Variants in MYT1L observed in about 807,000 individuals in gnomAD.
MYT1L encodes the protein myelin transcription factor 1 like.
MYT1L carries 12 observed loss-of-function variants against 126.7 expected under a neutral mutation model. That is an observed-to-expected ratio of 0.09 (90% CI 0.06 to 0.15). The LOEUF is 0.15. Among genes scored for constraint, MYT1L ranks in the 10% least tolerant of loss-of-function variants. The pLI is 1.00. For synonymous variants in MYT1L, 541 were observed against 604.2 expected, an observed-to-expected ratio of 0.90 and a Z score of 1.53; for missense variants, 979 against 1,585.2, an observed-to-expected ratio of 0.62 and a Z score of 6.49.
chr2:2,152,335 G>A (rs1299202248), intron 3 of MYT1L, among the ~76,000 whole-genome samples: 1 of 152,234 alleles, frequency 6.6e-6, no homozygotes, highest in Non-Finnish European at 1.5e-5. Flanking sequence ...ACTCAGAATG[G>A]AGTGCAATTT....
At chr2:1,828,481 G>C (rs1369039001) in intron 21 of MYT1L, 1 of 152,234 alleles carries the variant, frequency 6.6e-6, no homozygotes, top group Non-Finnish European at 1.5e-5. Context: ...TCCTCTCTCT[G>C]TTATGGAATA....
At chr2:2,022,757 G>C (rs1237865984) in intron 4 of MYT1L, among the ~76,000 whole-genome samples, 1 of 151,422 alleles carries the variant, frequency 6.6e-6, no homozygotes, top group African/African-American at 2.4e-5. Flanking sequence ...TCAGTTCTTT[G>C]TCCGTATTTA....
chr2:2,164,311 T>C (rs1371203982), intron 3 of MYT1L, among the ~76,000 whole-genome samples: 1 of 152,212 alleles, frequency 6.6e-6, no homozygotes, highest in Non-Finnish European at 1.5e-5. Context: ...GGTTTTACTT[T>C]TTTAGGTCTT....
At chr2:2,079,341 T>G (rs538607615) in intron 3 of MYT1L, among the ~76,000 whole-genome samples, 1 of 152,154 alleles carries the variant, frequency 6.6e-6, no homozygotes. Context: ...TTTAAGAAAT[T>G]AAAGATTGAA....
Position 1,922,566 on chromosome 2 carries a change from C to T in MYT1L, c.1203G>A (p.Lys401=). Reference sequence around the variant, plus strand: ...CGTCCCGCTCATGACACCCATCCTCCTTCGCACAGCTGGCAAACACTCTCG... The same window carrying T: ...CGTCCCGCTCATGACACCCATCCTCTTTCGCACAGCTGGCAAACACTCTCG... ...PRSRVFASCA[K]EDGCHERDDD... The change falls in exon 10 of 25, where the codon AAG becomes AAA. Residue 401 remains lysine, a synonymous_variant. Transcript: ENST00000647738. The surrounding 1 kb of genome is among the most constrained non-coding windows in gnomAD (Gnocchi z 7.4). 1 of 1,614,040 alleles carries T rather than the reference C, an allele frequency of 6.2e-7. No individual in the cohort carries two copies. Among genetic ancestry groups the T allele is most frequent in the Non-Finnish European group, 8.5e-7 (1 of 1,179,904 alleles).
chr2:1,907,889 G>A (rs2148995786), intron 13 of MYT1L, among the ~76,000 whole-genome samples: 1 of 152,382 alleles, frequency 6.6e-6, no homozygotes, highest in East Asian at 1.9e-4. Context: ...GCCCCATGGA[G>A]GCGGAAAGCC....
chr2:2,104,880 C>A lies in MYT1L; in HGVS notation c.-303-50757G>T, dbSNP rs1375284608. On this transcript the variant is annotated intron_variant, in intron 3 of 24. Transcript: ENST00000647738. ...CCTGTTCTCATCCGAAGTTCTGAATCATTAACAGCTGTTACTCTTCTTTAA... is the reference window on the plus strand; with the variant it reads ...CCTGTTCTCATCCGAAGTTCTGAATAATTAACAGCTGTTACTCTTCTTTAA... 3.3e-5 allele frequency among the ~76,000 whole-genome samples: 5 copies of A among 152,182 alleles called. No individual in the cohort carries two copies. The East Asian group carries it at 9.7e-4, about 29-fold the overall frequency.
chr2:2,024,086 C>A (rs1046978850), intron 4 of MYT1L, among the ~76,000 whole-genome samples: 1 of 152,136 alleles, frequency 6.6e-6, no homozygotes, highest in East Asian at 1.9e-4. Flanking sequence ...TCAAATAATT[C>A]TGAAATTTTT....
intron 2 of MYT1L, among the ~76,000 whole-genome samples, chr2:2,199,125 G>C (rs1000565113): frequency 6.6e-6 from 1 of 152,164 alleles, no homozygotes; most frequent in Non-Finnish European, 1.5e-5. Flanking sequence ...GCTTTGGAAA[G>C]GTTCAGAAGT....
At chr2:1,886,500 A>G (rs778374363) in intron 18 of MYT1L, 39 bp downstream of exon 18, 3 of 1,464,878 alleles carry the variant, frequency 2.0e-6, no homozygotes, top group Admixed American at 2.2e-5. Context: ...TACTGAGTGC[A>G]TGGATTTTTA....
intron 3 of MYT1L, among the ~76,000 whole-genome samples, chr2:2,145,449 T>C (rs997588295): frequency 1.3e-5 from 2 of 152,218 alleles, no homozygotes; most frequent in African/African-American, 4.8e-5. Flanking sequence ...TCTCCATGTC[T>C]TCCTTCCTGG....
At chr2:1,839,557 A>G (rs1353447893) in intron 20 of MYT1L, among the ~76,000 whole-genome samples, 187 bp from the exon 21 acceptor site, 2 of 152,258 alleles carry the variant, frequency 1.3e-5, no homozygotes, top group African/African-American at 2.4e-5. Context: ...TGGAACACTG[A>G]ACTGTTTCCC....
chr2:2,150,187 C>T (rs928987484), intron 3 of MYT1L, among the ~76,000 whole-genome samples: 3 of 152,104 alleles, frequency 2.0e-5, no homozygotes, highest in Non-Finnish European at 4.4e-5. Flanking sequence ...TTGGGGAAGA[C>T]GGCCTTTGAA....
At chr2:2,275,150 A>G (rs774793375) in intron 2 of MYT1L, among the ~76,000 whole-genome samples, 8 of 151,846 alleles carry the variant, frequency 5.3e-5, no homozygotes, top group Non-Finnish European at 8.8e-5. Context: ...TGGAGGATAA[A>G]TGGGTAGACA....
intron 21 of MYT1L, among the ~76,000 whole-genome samples, chr2:1,824,093 G>A (rs1049221506): frequency 6.6e-6 from 1 of 152,310 alleles, no homozygotes; most frequent in African/African-American, 2.4e-5. Context: ...GTTGGGGAAC[G>A]TTTTTAGTTT....
At chr2:1,953,385 C>T (rs2058058220) in intron 8 of MYT1L, among the ~76,000 whole-genome samples, 1 of 152,250 alleles carries the variant, frequency 6.6e-6, no homozygotes, top group Non-Finnish European at 1.5e-5. Context: ...TCTCATCCCA[C>T]AGCTCTATGC....
At chr2:2,165,070 G>C (rs1259922823) in intron 3 of MYT1L, among the ~76,000 whole-genome samples, 5 of 152,182 alleles carry the variant, frequency 3.3e-5, no homozygotes, top group Non-Finnish European at 7.3e-5. Flanking sequence ...CTGCTGGAAG[G>C]GGGGCCTGCG....
chr2:2,010,023 T>C (rs147641993), intron 4 of MYT1L, among the ~76,000 whole-genome samples: 17 of 152,290 alleles, frequency 1.1e-4, no homozygotes, highest in Admixed American at 1.1e-3. Context: ...TCACATTGAT[T>C]GATTTGCATA....
At chr2:2,207,129 G>A (rs1205623489) in intron 2 of MYT1L, among the ~76,000 whole-genome samples, 1 of 152,280 alleles carries the variant, frequency 6.6e-6, no homozygotes, top group Non-Finnish European at 1.5e-5. Flanking sequence ...AAATATTGTG[G>A]CCAGAGGTTC....
Sources: gnomAD v4.1 joint callset for allele counts (sites outside exome capture counted in the v4.1 genomes callset) on GRCh38, gnomAD v4.1.1 for gene constraint, Gnocchi (gnomAD v3.1) non-coding constraint, MANE v1.5 for transcripts, NCBI Gene and HGNC (gene_info 2026-07-23, HGNC 2026-07-21) for gene names.